Variants in LBP observed in about 807,000 individuals in gnomAD.
LBP encodes lipopolysaccharide binding protein, also known as lipopolysaccharide-binding protein.
In LBP, 53 loss-of-function variants were observed where a neutral mutation model predicts 56.6. That is an observed-to-expected ratio of 0.94 (90% CI 0.75 to 1.18). The LOEUF is 1.18. Among genes scored for constraint, LBP ranks in the 50% most tolerant of loss-of-function variants. LBP has a pLI of 0.00. For synonymous variants in LBP, 227 were observed against 247.5 expected, an observed-to-expected ratio of 0.92 and a Z score of 0.78; for missense variants, 601 against 598.3, an observed-to-expected ratio of 1.00 and a Z score of -0.05.
At chr20:38,356,720 T>A (rs1258604015) in intron 5 of LBP, among the ~76,000 whole-genome samples, 2 of 152,228 alleles carry the variant, frequency 1.3e-5, no homozygotes, top group African/African-American at 4.8e-5. Flanking sequence ...TTGATAAATG[T>A]ATATAATTAA....
At chr20:38,346,723 C>A in intron 1 of LBP, 83 bp downstream of exon 1, 1 of 1,573,660 alleles carries the variant, frequency 6.4e-7, no homozygotes, top group Non-Finnish European at 8.7e-7. Context: ...GGAGTGGGGA[C>A]ACAGACCGGA....
chr20:38,371,275 T>C lies in LBP; in HGVS notation c.1218-5T>C. 1 of 1,610,952 alleles carries C rather than the reference T, an allele frequency of 6.2e-7. No individual in the cohort carries two copies. The highest frequency in any genetic ancestry group is 8.5e-7 in the Non-Finnish European group (1 of 1,177,500). On this transcript the variant is annotated splice_region_variant and splice_polypyrimidine_tract_variant and intron_variant, in intron 11 of 14. Transcript: ENST00000217407. ...CACCTTTTAATCTTCTCTGATTCAT[T>C]ACAGGGTAAAAGTGGAACTGAAAGA...
At position 38,357,135 on chromosome 20, in the gene LBP, G is replaced by A. The variant is rs188155905; in HGVS notation, c.588+1726G>A. On this transcript the variant is annotated intron_variant, in intron 5 of 14. Coordinates refer to ENST00000217407, the MANE Select transcript of LBP (RefSeq NM_004139.5). ...GTCCCAAAGTGCTGAGATTACAGGC[G>A]TAAGCCACCACACCCAGCCAGTCCC... Among the ~76,000 whole-genome samples the A allele has an allele frequency of 3.5e-3, 539 of 152,296 alleles. 3 individuals carry two copies. Among genetic ancestry groups the A allele is most frequent in the African/African-American group, 0.012 (513 of 41,562 alleles).
chr20:38,374,383 G>C (rs1237979603), intron 14 of LBP, among the ~76,000 whole-genome samples: 1 of 152,132 alleles, frequency 6.6e-6, no homozygotes, highest in African/African-American at 2.4e-5. Context: ...CAGATCACGA[G>C]GTCAGGAGTT....
intron 6 of LBP, among the ~76,000 whole-genome samples, chr20:38,362,053 C>CTTTTTTTTT (rs1229689650): frequency 9.3e-5 from 11 of 117,672 alleles, no homozygotes; most frequent in Non-Finnish European, 1.4e-4. Flanking sequence ...TTTTTGTTTT[C>CTTTTTTTTT]TTTTTTTTTT....
At chr20:38,357,666 C>T (rs562020675) in intron 5 of LBP, among the ~76,000 whole-genome samples, 1 of 152,256 alleles carries the variant, frequency 6.6e-6, no homozygotes, top group South Asian at 2.1e-4. Flanking sequence ...GAAGTAATGA[C>T]GGAAAAGAAT....
chr20:38,346,496 C>T lies in LBP; in HGVS notation c.-21C>T. 2 of 1,612,952 alleles carry T rather than the reference C, an allele frequency of 1.2e-6. No individual in the cohort carries two copies. Among genetic ancestry groups the T allele is most frequent in the Non-Finnish European group, 1.7e-6 (2 of 1,179,706 alleles). ...AATCCACAGCTGGGACAGTCCTGGC[C>T]CACTGCACTGGGAATCTAGGATGGG... On this transcript the variant is annotated 5_prime_UTR_variant, in exon 1 of 15. Coordinates refer to ENST00000217407, the MANE Select transcript of LBP (RefSeq NM_004139.5).
chr20:38,371,175 G>A, intron 11 of LBP, 105 bp from the exon 12 acceptor site: 1 of 815,482 alleles, frequency 1.2e-6, no homozygotes, highest in Middle Eastern at 2.3e-4. Context: ...CCCTACCTTT[G>A]GCCCTGTGCC....
intron 2 of LBP, among the ~76,000 whole-genome samples, chr20:38,350,545 AATTGC>A (rs1157444259): frequency 2.0e-5 from 3 of 152,222 alleles, no homozygotes; most frequent in Non-Finnish European, 4.4e-5. Flanking sequence ...AACCGTGAGC[AATTGC>A]ATCCCTTCCT....
At chr20:38,355,051 C>T (rs1449029090) in intron 4 of LBP, among the ~76,000 whole-genome samples, 1 of 152,204 alleles carries the variant, frequency 6.6e-6, no homozygotes, top group African/African-American at 2.4e-5. Context: ...CACTGCACTC[C>T]AGCCTGGGTG....
At chr20:38,351,629 T>C (rs1425851405) in intron 3 of LBP, among the ~76,000 whole-genome samples, 3 of 152,150 alleles carry the variant, frequency 2.0e-5, no homozygotes, top group Non-Finnish European at 4.4e-5. Context: ...GGTCAAGGTT[T>C]TGGCAGGCCT....
chr20:38,360,205 A>G (rs1267315479), intron 5 of LBP, among the ~76,000 whole-genome samples: 3 of 150,430 alleles, frequency 2.0e-5, no homozygotes, highest in African/African-American at 7.4e-5. Context: ...CAGGAGGGTG[A>G]GCCGAGATCG....
At chr20:38,359,276 A>G (rs11086565) in intron 5 of LBP, among the ~76,000 whole-genome samples, 9,030 of 151,412 alleles carry the variant, frequency 0.06, 310 homozygotes, top group South Asian at 0.12. Context: ...TTAGGTTTTC[A>G]TAGAAAGAAC....
intron 12 of LBP, 70 bp downstream of exon 12, chr20:38,371,392 T>C (rs545903173): frequency 8.8e-7 from 1 of 1,134,446 alleles, no homozygotes; most frequent in South Asian, 1.3e-5. Context: ...GCAATTGCTA[T>C]GGCACCTATA....
chr20:38,360,708 GC>G lies in LBP; in HGVS notation c.594del (p.Cys198TrpfsTer3), dbSNP rs760927903. ...TTCTCTTCCCATGTTTTTCAGATTTGCGAAATGATCCAGAAATCAGTGTCCT... is the reference window on the plus strand; with the variant it reads ...TTCTCTTCCCATGTTTTTCAGATTTGGAAATGATCCAGAAATCAGTGTCCT... ...KFQKVLESRI[C>X]EMIQKSVSSD... On this transcript the variant is annotated frameshift_variant, in exon 6 of 15. Transcript: ENST00000217407. LOFTEE classifies it high-confidence loss of function. 34 of 1,612,090 alleles carry G rather than the reference GC, an allele frequency of 2.1e-5. No individual in the cohort carries two copies. The South Asian group carries it at 3.7e-4, about 18-fold the overall frequency.
At chr20:38,372,094 G>A (rs1159902973) in intron 12 of LBP, among the ~76,000 whole-genome samples, 2 of 152,244 alleles carry the variant, frequency 1.3e-5, no homozygotes, top group African/African-American at 2.4e-5. Context: ...AGAAAAAGTG[G>A]TGAAGTAGAC....
intron 9 of LBP, among the ~76,000 whole-genome samples, chr20:38,367,519 AG>A (rs2076886467): frequency 6.6e-6 from 1 of 152,240 alleles, no homozygotes. Context: ...AACATTCAAA[AG>A]ATCTAGAAGG....
intron 9 of LBP, 100 bp downstream of exon 9, chr20:38,366,928 A>G: frequency 8.8e-7 from 1 of 1,135,170 alleles, no homozygotes; most frequent in South Asian, 1.2e-5. Context: ...ACCAAGAGTG[A>G]GAAGGCCGGG....
At chr20:38,350,751 C>T in intron 2 of LBP, 60 bp from the exon 3 acceptor site, 1 of 1,554,556 alleles carries the variant, frequency 6.4e-7, no homozygotes, top group South Asian at 1.2e-5. Flanking sequence ...GGCGCAAGGT[C>T]CCTGGTGAGG....
Sources: gnomAD v4.1 joint callset for allele counts (sites outside exome capture counted in the v4.1 genomes callset) on GRCh38, gnomAD v4.1.1 for gene constraint, MANE v1.5 for transcripts, NCBI Gene and HGNC (gene_info 2026-07-23, HGNC 2026-07-21) for gene names.